Variants in THADA observed in about 807,000 individuals in gnomAD.
The protein encoded by THADA is THADA armadillo repeat containing.
A neutral mutation model predicts 219.8 loss-of-function variants in THADA; 213 were observed. The observed-to-expected ratio is 0.97, with a 90% CI of 0.87 to 1.09. THADA has a LOEUF of 1.09. Among genes scored for constraint, THADA ranks in the 50% least tolerant of loss-of-function variants. The pLI is 0.00. For missense variants in THADA, 2,956 were observed against 2,311.3 expected (o/e 1.28, Z -5.72); for synonymous variants, 1,018 against 828.9 (o/e 1.23, Z -3.92).
At chr2:43,451,570 G>T (rs1682342000) in intron 26 of THADA, among the ~76,000 whole-genome samples, 1 of 152,106 alleles carries the variant, frequency 6.6e-6, no homozygotes, top group African/African-American at 2.4e-5. Context: ...CTAGTACATA[G>T]GAGGCATTAG....
At chr2:43,584,381 G>C (rs544242252) in intron 7 of THADA, among the ~76,000 whole-genome samples, 1 of 152,070 alleles carries the variant, frequency 6.6e-6, no homozygotes, top group African/African-American at 2.4e-5. Context: ...CACCAAAGTG[G>C]ACATTATTAA....
intron 36 of THADA, among the ~76,000 whole-genome samples, chr2:43,260,625 AT>A (rs1346434782): frequency 1.3e-5 from 2 of 152,176 alleles, no homozygotes; most frequent in African/African-American, 4.8e-5. Context: ...GGAGTCTTTA[AT>A]TTTTGTGTTG....
intron 21 of THADA, among the ~76,000 whole-genome samples, chr2:43,535,168 CTTTTTTTTTTTTT>C (rs549879408): frequency 3.8e-5 from 2 of 52,510 alleles, no homozygotes; most frequent in African/African-American, 8.9e-5. Context: ...ATCATTTGTC[CTTTTTTTTTTTTT>C]TTTTTTTTTT....
At chr2:43,583,974 A>C (rs1700737112) in intron 7 of THADA, among the ~76,000 whole-genome samples, 1 of 147,580 alleles carries the variant, frequency 6.8e-6, no homozygotes, top group Non-Finnish European at 1.5e-5. Flanking sequence ...TGGGAGGCAG[A>C]GATTGCAGTG....
chr2:43,595,599 A>C (rs1702065119), intron 1 of THADA: 1 of 152,390 alleles, frequency 6.6e-6, no homozygotes, highest in Non-Finnish European at 1.5e-5. Context: ...GTCTACCGCA[A>C]GGCCAGAAGG....
chr2:43,365,664 T>C lies in THADA; in HGVS notation c.4228-21427A>G, dbSNP rs1573293022. 2.0e-5 allele frequency among the ~76,000 whole-genome samples: 3 copies of C among 152,040 alleles called. No homozygotes were observed. In the East Asian group the frequency reaches 5.8e-4, roughly 29 times the overall value. ...TGTCCAAGCAAAAGATGAGGCTGGC[T>C]TGCACAAGGATAGCAGTGTAGAGAA... On this transcript the variant is annotated intron_variant, in intron 29 of 37. Transcript: ENST00000405975.
intron 22 of THADA, among the ~76,000 whole-genome samples, chr2:43,510,369 T>G (rs1690253757): frequency 6.6e-6 from 1 of 152,204 alleles, no homozygotes; most frequent in Non-Finnish European, 1.5e-5. Flanking sequence ...GATATACATA[T>G]ACACAAATAC....
chr2:43,456,495 G>A lies in THADA; in HGVS notation c.3837-26193C>T, dbSNP rs571712359. 1.3e-4 allele frequency among the ~76,000 whole-genome samples: 20 copies of A among 152,252 alleles called. No homozygotes were observed. In the South Asian group the frequency reaches 1.4e-3, roughly 11 times the overall value. ...AGCCTGACCAGAGGAATACCACACA[G>A]TGGCAGTGTAACCTTGGGTGATTCA... is the stretch of plus-strand genomic sequence containing the variant. On this transcript the variant is annotated intron_variant, in intron 26 of 37. Coordinates refer to ENST00000405975, the MANE Select transcript of THADA (RefSeq NM_022065.5).
intron 36 of THADA, among the ~76,000 whole-genome samples, chr2:43,245,765 T>C (rs1298702029): frequency 6.6e-6 from 1 of 152,232 alleles, no homozygotes; most frequent in Non-Finnish European, 1.5e-5. Flanking sequence ...AGGGGACTGC[T>C]TGGCTCCCAA....
chr2:43,421,145 C>T (rs1265447256), intron 28 of THADA, among the ~76,000 whole-genome samples: 1 of 152,140 alleles, frequency 6.6e-6, no homozygotes, highest in Non-Finnish European at 1.5e-5. Flanking sequence ...CAAGTTTGGC[C>T]TATAAGCAAA....
intron 22 of THADA, among the ~76,000 whole-genome samples, chr2:43,523,788 T>C (rs1256591694): frequency 6.6e-6 from 1 of 152,212 alleles, no homozygotes; most frequent in Non-Finnish European, 1.5e-5. Context: ...TTAAGCTACA[T>C]TACAAGTAAA....
Position 43,581,871 on chromosome 2 carries a change from G to C in THADA, c.591C>G (p.Gly197=), listed in dbSNP as rs911035837. The change falls in exon 8 of 38, where the codon GGC becomes GGG. Residue 197 remains glycine (G), a synonymous_variant. Coordinates refer to ENST00000405975, the MANE Select transcript of THADA (RefSeq NM_022065.5). ...GTACTAACATCATTGAAACTCTAAT[G>C]CCTACCAGTAAGTCATTCATCAACT... ...QTQLMNDLLV[G]IRVSMMLVQK... 1 of 1,605,774 alleles carries C rather than the reference G, an allele frequency of 6.2e-7. No individual in the cohort carries two copies.
chr2:43,280,447 T>C (rs1030466589), intron 35 of THADA, among the ~76,000 whole-genome samples: 4 of 151,830 alleles, frequency 2.6e-5, no homozygotes, highest in African/African-American at 9.7e-5. Flanking sequence ...TCCTGACCCA[T>C]ATGGTGAAAC....
intron 29 of THADA, among the ~76,000 whole-genome samples, chr2:43,385,373 G>A (rs552525072): frequency 1.9e-3 from 285 of 152,096 alleles, no homozygotes; most frequent in Middle Eastern, 0.017. Flanking sequence ...TTGGGAGGCC[G>A]AGGCAGGCGG....
intron 34 of THADA, among the ~76,000 whole-genome samples, chr2:43,290,768 G>T (rs1674601133): frequency 6.6e-6 from 1 of 151,796 alleles, no homozygotes; most frequent in Non-Finnish European, 1.5e-5. Flanking sequence ...TTTTCCTGTG[G>T]TATTGGCTGC....
At chr2:43,529,793 G>C (rs575270659) in intron 21 of THADA, among the ~76,000 whole-genome samples, 1 of 152,192 alleles carries the variant, frequency 6.6e-6, no homozygotes, top group South Asian at 2.1e-4. Flanking sequence ...ATAGGGACTA[G>C]ATTAGTATTC....
rs114570921 is a variant in THADA, at chr2:43,303,312, T to C, written c.4439-10099A>G. Among the ~76,000 whole-genome samples the C allele has an allele frequency of 7.7e-3, 1,179 of 152,322 alleles. 16 individuals are homozygous for C. Among genetic ancestry groups the C allele is most frequent in the African/African-American group, 0.027 (1,114 of 41,574 alleles). The stretch of plus-strand genomic sequence containing the variant: ...GTAATGTCTGCAACATGAACAGTCA[T>C]TGTGAAAGTTAACTTTAGATATCAA... On this transcript the variant is annotated intron_variant, in intron 31 of 37. Coordinates refer to ENST00000405975, the MANE Select transcript of THADA (RefSeq NM_022065.5).
Position 43,338,515 on chromosome 2 carries a change from T to C in THADA, c.4343+5607A>G, listed in dbSNP as rs189073792. 4.8e-4 allele frequency among the ~76,000 whole-genome samples: 73 copies of C among 152,268 alleles called. 1 individual carries two copies. The highest frequency in any genetic ancestry group is 1.7e-3 in the African/African-American group (72 of 41,548). On this transcript the variant is annotated intron_variant, in intron 30 of 37. Transcript: ENST00000405975. ...ACTATATCCATTAAACAATGCCCCA[T>C]TTCCTCCTCTCTGTAGCCCCTGGCA...
intron 20 of THADA, among the ~76,000 whole-genome samples, chr2:43,546,675 C>T (rs553668704): frequency 1.4e-3 from 211 of 151,644 alleles, no homozygotes; most frequent in Admixed American, 2.6e-3. Flanking sequence ...CTGTTTTATC[C>T]GAGACTAGGA....
Sources: gnomAD v4.1 joint callset for allele counts (sites outside exome capture counted in the v4.1 genomes callset) on GRCh38, gnomAD v4.1.1 for gene constraint, MANE v1.5 for transcripts, NCBI Gene and HGNC (gene_info 2026-07-23, HGNC 2026-07-21) for gene names.